ICA1L: variants seen among roughly 807,000 people sequenced by gnomAD.
ICA1L encodes islet cell autoantigen 1 like.
Under a neutral mutation model 61.3 loss-of-function variants are expected in ICA1L, and 50 were observed. The ratio of observed to expected loss-of-function variants is 0.82; its 90% confidence interval spans 0.65 to 1.03. ICA1L has a LOEUF of 1.03. Among genes scored for constraint, ICA1L ranks in the 50% least tolerant of loss-of-function variants. The pLI, the probability that ICA1L is intolerant of heterozygous loss-of-function variation, is 0.00. For missense variants in ICA1L, 508 were observed against 556.7 expected, an observed-to-expected ratio of 0.91 and a Z score of 0.88; for synonymous variants, 161 against 191.3, an observed-to-expected ratio of 0.84 and a Z score of 1.31.
chr2:202,868,315 A>G (rs1315031703), intron 1 of ICA1L, among the ~76,000 whole-genome samples: 2 of 152,238 alleles, frequency 1.3e-5, no homozygotes, highest in African/African-American at 2.4e-5. Context: ...AATGACAAAG[A>G]CTGACAACAC....
chr2:202,820,090 T>G, intron 4 of ICA1L, 191 bp from the exon 5 acceptor site: 1 of 577,810 alleles, frequency 1.7e-6, no homozygotes. Flanking sequence ...TAAAGATGTG[T>G]TGGCCGGGCG....
At chr2:202,855,560 A>C (rs971036543) in intron 1 of ICA1L, among the ~76,000 whole-genome samples, 1 of 152,178 alleles carries the variant, frequency 6.6e-6, no homozygotes, top group Non-Finnish European at 1.5e-5. Flanking sequence ...TCCTGGACAC[A>C]TACACCCTCC....
At chr2:202,816,320 AAG>A (rs1693533709) in intron 6 of ICA1L, among the ~76,000 whole-genome samples, 1 of 152,206 alleles carries the variant, frequency 6.6e-6, no homozygotes, top group African/African-American at 2.4e-5. Context: ...AGATATCAAA[AAG>A]AGAAATGTTA....
chr2:202,782,410 T>C (rs1023091556), intron 12 of ICA1L, among the ~76,000 whole-genome samples: 9 of 151,714 alleles, frequency 5.9e-5, no homozygotes, highest in Admixed American at 5.9e-4. Flanking sequence ...TGTTTTGTTT[T>C]TGGTTTTTTT....
chr2:202,815,127 A>C lies in ICA1L; in HGVS notation c.784-343T>G, dbSNP rs143523796. On this transcript the variant is annotated intron_variant, in intron 7 of 12. Coordinates refer to ENST00000358299, the MANE Select transcript of ICA1L (RefSeq NM_001288622.3). ...CTAAAGATTTTCAATTTTGATTCTG[A>C]GCAGAAATTGGATATAAAATTTGCC... Among the ~76,000 whole-genome samples, 13 of 152,336 alleles carry C rather than the reference A, an allele frequency of 8.5e-5. No individual in the cohort carries two copies. The East Asian group carries it at 2.5e-3, about 29-fold the overall frequency.
At chr2:202,840,376 G>A (rs571367665) in intron 1 of ICA1L, 102 of 489,988 alleles carry the variant, frequency 2.1e-4, no homozygotes, top group Non-Finnish European at 3.6e-4. Context: ...GCTTCCCATC[G>A]TGGATCTCAA....
At chr2:202,840,750 C>T in intron 1 of ICA1L, 1 of 594,050 alleles carries the variant, frequency 1.7e-6, no homozygotes. Context: ...TCCTTAACAG[C>T]CAACTCCCCA....
In ICA1L at chr2:202,828,995, C is replaced by T. The variant is rs552339558; in HGVS notation, c.15G>A (p.Gly5=). Residue 5 remains glycine (G), a synonymous_variant, in exon 2 of 13, where the codon GGG becomes GGA. Transcript: ENST00000358299. MDSF[G]QPRPEDNQSV... ...ACTGATTATCTTCTGGTCTGGGTTG[C>T]CCAAAGGAATCCATGGAGTGACTAC... 15 of 1,579,394 alleles carry T rather than the reference C, an allele frequency of 9.5e-6. No individual in the cohort carries two copies. In the South Asian group the frequency reaches 1.7e-4, roughly 17 times the overall value.
At chr2:202,814,396 C>T (rs745475285) in intron 8 of ICA1L, among the ~76,000 whole-genome samples, 1 of 152,190 alleles carries the variant, frequency 6.6e-6, no homozygotes, top group Non-Finnish European at 1.5e-5. Context: ...AGGTCTGCTT[C>T]CCCTTTGACC....
chr2:202,795,270 C>A (rs1262708930), intron 10 of ICA1L, among the ~76,000 whole-genome samples: 1 of 151,866 alleles, frequency 6.6e-6, no homozygotes, highest in African/African-American at 2.4e-5. Flanking sequence ...GGATTACAGG[C>A]GTGAGCCACC....
chr2:202,857,758 G>A (rs1364399625), intron 1 of ICA1L, among the ~76,000 whole-genome samples: 1 of 151,894 alleles, frequency 6.6e-6, no homozygotes, highest in Admixed American at 6.6e-5. Flanking sequence ...GAATCTACAA[G>A]GAACTTAAAC....
intron 12 of ICA1L, among the ~76,000 whole-genome samples, chr2:202,785,544 C>T (rs72932729): frequency 0.39 from 59,030 of 152,052 alleles, 12,998 homozygotes; most frequent in Middle Eastern, 0.64. Flanking sequence ...CTCAGCCTCC[C>T]GATTAGCTGG....
At chr2:202,867,546 T>C (rs991866856) in intron 1 of ICA1L, among the ~76,000 whole-genome samples, 3 of 152,218 alleles carry the variant, frequency 2.0e-5, no homozygotes, top group African/African-American at 7.2e-5. Flanking sequence ...GTGACTATTA[T>C]TATATCTGTG....
Position 202,828,870 on chromosome 2 carries a change from G to T in ICA1L, c.140C>A (p.Ala47Asp). ...TACCTCAAGTTTAGCATCCAGTTCA[G>T]CATCAGACGCCACCAAGTGCTCATC... Reference protein sequence around the residue: ...KEDEHLVASDAELDAKLEVFH... With the variant: ...KEDEHLVASDDELDAKLEVFH... The change falls in exon 2 of 13, where the codon GCT becomes GAT. Residue 47 changes from alanine (A) to aspartate (D), a missense_variant. Transcript: ENST00000358299. The T allele has an allele frequency of 1.2e-6, 2 of 1,613,850 alleles. No homozygotes were observed. Among genetic ancestry groups the T allele is most frequent in the Non-Finnish European group, 1.7e-6 (2 of 1,179,848 alleles).
At position 202,848,084 on chromosome 2, in the gene ICA1L, G is replaced by A. The variant is rs556074794; in HGVS notation, c.-7-19068C>T. On this transcript the variant is annotated intron_variant, in intron 1 of 12. Coordinates refer to ENST00000358299, the MANE Select transcript of ICA1L (RefSeq NM_001288622.3). ...AGTAGACACTGGGGACTACTGGAGT[G>A]GGGAGAAGGGAGGAGGTGTTGAGAT... Among the ~76,000 whole-genome samples, 8 of 152,130 alleles carry A rather than the reference G, an allele frequency of 5.3e-5. No individual in the cohort carries two copies. The South Asian group carries it at 1.7e-3, about 32-fold the overall frequency.
chr2:202,797,741 T>C (rs2105830789), intron 9 of ICA1L, among the ~76,000 whole-genome samples: 1 of 152,246 alleles, frequency 6.6e-6, no homozygotes, highest in South Asian at 2.1e-4. Context: ...AGGCTGATCT[T>C]GAACTCCTGA....
At position 202,788,990 on chromosome 2, in the gene ICA1L, A is replaced by G. The variant is rs1438125840; in HGVS notation, c.1083T>C (p.Thr361=). The G allele has an allele frequency of 6.2e-7, 1 of 1,613,918 alleles. No homozygotes were observed. Among genetic ancestry groups the G allele is most frequent in the African/African-American group, 1.3e-5 (1 of 74,928 alleles). The change falls in exon 11 of 13, where the codon ACT becomes ACC. Residue 361 remains threonine, a synonymous_variant. Coordinates refer to ENST00000358299, the MANE Select transcript of ICA1L (RefSeq NM_001288622.3). The part of the protein sequence containing the change: ...NNLLSSGSSS[T]SEFTQECQTA... ...TCTGGCATTCTTGGGTAAATTCACTAGTACTTGAAGAACCAGAACTTAGGA... is the reference window on the plus strand; with the variant it reads ...TCTGGCATTCTTGGGTAAATTCACTGGTACTTGAAGAACCAGAACTTAGGA...
At chr2:202,787,840 C>T (rs942612582) in intron 11 of ICA1L, among the ~76,000 whole-genome samples, 3 of 152,154 alleles carry the variant, frequency 2.0e-5, no homozygotes, top group African/African-American at 4.8e-5. Flanking sequence ...CAAAGCACCA[C>T]GGGAGGAGGG....
chr2:202,785,762 G>A (rs1692560786), intron 12 of ICA1L, among the ~76,000 whole-genome samples, 156 bp downstream of exon 12: 1 of 152,074 alleles, frequency 6.6e-6, no homozygotes, highest in Non-Finnish European at 1.5e-5. Context: ...TCCATATTGA[G>A]GGATAAGCAG....
Sources: allele counts gnomAD v4.1 joint callset (sites outside exome capture counted in the v4.1 genomes callset), GRCh38; gene constraint gnomAD v4.1.1; transcripts MANE v1.5; gene names NCBI Gene and HGNC (gene_info 2026-07-23, HGNC 2026-07-21).